NTF3: variants seen among roughly 807,000 people sequenced by gnomAD.
The protein encoded by NTF3 is neurotrophin 3.
In NTF3, 8 loss-of-function variants were observed where a neutral mutation model predicts 26.3. The observed-to-expected ratio is 0.30, with a 90% CI of 0.18 to 0.55. The LOEUF is 0.55. Ranked by LOEUF, NTF3 falls within the 20% of genes least tolerant of loss-of-function variation. The probability of loss-of-function intolerance (pLI) is 0.93; values close to 1 mark genes in which losing one functional copy is unlikely to be tolerated. For synonymous variants in NTF3, 154 were observed against 145.5 expected, an observed-to-expected ratio of 1.06 and a Z score of -0.42; for missense variants, 276 against 352.9, an observed-to-expected ratio of 0.78 and a Z score of 1.75.
intron 1 of NTF3, among the ~76,000 whole-genome samples, chr12:5,470,145 T>C (rs2121208497): frequency 6.6e-6 from 1 of 152,240 alleles, no homozygotes; most frequent in African/African-American, 2.4e-5. Context: ...ATGATGGTCT[T>C]GATCTCCTGA....
chr12:5,442,271 C>T (rs748023434), intron 1 of NTF3, among the ~76,000 whole-genome samples: 9 of 152,158 alleles, frequency 5.9e-5, no homozygotes, highest in Non-Finnish European at 7.3e-5. Context: ...GCTGGAGGGT[C>T]CAGGAATGGT....
At chr12:5,464,782 T>C (rs1940568191) in intron 1 of NTF3, among the ~76,000 whole-genome samples, 1 of 152,200 alleles carries the variant, frequency 6.6e-6, no homozygotes, top group Non-Finnish European at 1.5e-5. Context: ...GAGTAAATTA[T>C]GATTATATGA....
intron 1 of NTF3, among the ~76,000 whole-genome samples, chr12:5,490,103 T>C (rs1940916605): frequency 1.3e-5 from 2 of 152,108 alleles, no homozygotes; most frequent in African/African-American, 4.8e-5. Context: ...CTTTAACAGG[T>C]CTTTTTCTAA....
intron 1 of NTF3, among the ~76,000 whole-genome samples, chr12:5,487,740 G>A (rs1429704082): frequency 3.9e-5 from 6 of 152,170 alleles, no homozygotes; most frequent in South Asian, 4.2e-4. Flanking sequence ...TTAAAGAACA[G>A]GATAGGAATC....
chr12:5,467,210 C>A (rs1313089117), intron 1 of NTF3, among the ~76,000 whole-genome samples: 1 of 110,328 alleles, frequency 9.1e-6, no homozygotes, highest in African/African-American at 3.6e-5. Context: ...ACCTGTGCAA[C>A]AGAGCGAGAC....
At chr12:5,448,212 C>T (rs1940329706) in intron 1 of NTF3, among the ~76,000 whole-genome samples, 1 of 152,168 alleles carries the variant, frequency 6.6e-6, no homozygotes, top group African/African-American at 2.4e-5. Context: ...TATGAAAATA[C>T]CCTTGAAACA....
At chr12:5,492,528 G>A (rs372865262) in intron 1 of NTF3, among the ~76,000 whole-genome samples, 1 of 152,126 alleles carries the variant, frequency 6.6e-6, no homozygotes, top group African/African-American at 2.4e-5. Context: ...AGAATAGGAG[G>A]GAGATTCCTT....
At chr12:5,446,047 C>T (rs1165688199) in intron 1 of NTF3, among the ~76,000 whole-genome samples, 2 of 152,132 alleles carry the variant, frequency 1.3e-5, no homozygotes, top group East Asian at 1.9e-4. Flanking sequence ...ATCCATAGGG[C>T]AGTAACAGGG....
chr12:5,478,049 C>T (rs928775598), intron 1 of NTF3, among the ~76,000 whole-genome samples: 1 of 152,184 alleles, frequency 6.6e-6, no homozygotes. Context: ...AGTTGCTGTA[C>T]ATTTAAAGGT....
chr12:5,458,087 T>C (rs1940475666), intron 1 of NTF3, among the ~76,000 whole-genome samples: 1 of 152,162 alleles, frequency 6.6e-6, no homozygotes, highest in African/African-American at 2.4e-5. Flanking sequence ...TCAACACTGT[T>C]CACACTCTCC....
chr12:5,432,145 C>G lies in NTF3; in HGVS notation c.-180C>G, dbSNP rs1191792929. The G allele has an allele frequency of 1.4e-6, 1 of 716,332 alleles. No homozygotes were observed. Among genetic ancestry groups the G allele is most frequent in the Non-Finnish European group, 2.5e-6 (1 of 405,830 alleles). The allele number at this position is 716,332 out of a possible 1,614,324, so 44.4% of individuals were successfully genotyped here. On this transcript the variant is annotated 5_prime_UTR_variant, in exon 1 of 2. Transcript: ENST00000423158. Reference sequence around the variant, plus strand: ...AGCTCCTCTCCCTTCCGAACAGCTCCGCGCACCGCCCCGCGACGCAGCCCG... The same window carrying G: ...AGCTCCTCTCCCTTCCGAACAGCTCGGCGCACCGCCCCGCGACGCAGCCCG...
At chr12:5,469,736 T>C (rs1411234302) in intron 1 of NTF3, among the ~76,000 whole-genome samples, 7 of 152,194 alleles carry the variant, frequency 4.6e-5, no homozygotes, top group South Asian at 4.1e-4. Flanking sequence ...TTTTGAAATA[T>C]GTATTTTTTA....
intron 1 of NTF3, among the ~76,000 whole-genome samples, chr12:5,467,530 G>A (rs542194183): frequency 7.1e-4 from 108 of 152,162 alleles, no homozygotes; most frequent in African/African-American, 7.2e-5. Context: ...TTATTATTTC[G>A]TTGATTGATT....
Position 5,494,097 on chromosome 12 carries a change from T to C in NTF3, c.19-97T>C, listed in dbSNP as rs1020482098. 1 of 1,173,790 alleles carries C rather than the reference T, an allele frequency of 8.5e-7. No individual in the cohort carries two copies. The highest frequency in any genetic ancestry group is 1.5e-5 in the African/African-American group (1 of 65,870). 72.7% of individuals were successfully genotyped at this position (1,173,790 alleles called of 1,614,324 possible). A position where few individuals can be genotyped will look rare whatever the true frequency, so the allele number is the denominator to read the frequency against. On this transcript the variant is annotated intron_variant, in intron 1 of 1. Transcript: ENST00000423158. This position sits in a 1 kb window ranked among gnomAD's most constrained non-coding sequence, Gnocchi z 8.3. The stretch of plus-strand genomic sequence containing the variant: ...ACCTGGGGGGCGGTACCCTCTCTCG[T>C]GCCCTCACAGGGCTACTCAGCCTCA...
At chr12:5,443,863 G>GA (rs1940270717) in intron 1 of NTF3, among the ~76,000 whole-genome samples, 2 of 151,372 alleles carry the variant, frequency 1.3e-5, no homozygotes, top group Admixed American at 6.6e-5. Flanking sequence ...ATGAGAGAGA[G>GA]AGAAAAAAAA....
intron 1 of NTF3, among the ~76,000 whole-genome samples, chr12:5,434,733 A>G (rs1940145820): frequency 6.6e-6 from 1 of 151,232 alleles, no homozygotes; most frequent in Non-Finnish European, 1.5e-5. Flanking sequence ...GCACAAACAC[A>G]TGGAGTGGGT....
chr12:5,439,372 TGGC>T (rs1940210436), intron 1 of NTF3, among the ~76,000 whole-genome samples: 1 of 152,250 alleles, frequency 6.6e-6, no homozygotes, highest in African/African-American at 2.4e-5. Flanking sequence ...CTGAAGTCTG[TGGC>T]ATCCCAAGCC....
At chr12:5,467,447 G>A (rs1410896926) in intron 1 of NTF3, among the ~76,000 whole-genome samples, 4 of 152,106 alleles carry the variant, frequency 2.6e-5, no homozygotes, top group Non-Finnish European at 4.4e-5. Flanking sequence ...GGAGGCAGAC[G>A]TCTTTAGAGT....
intron 1 of NTF3, among the ~76,000 whole-genome samples, chr12:5,482,734 CCTCACTCCGTGTCTCT>C (rs1400675679): frequency 6.6e-6 from 1 of 151,790 alleles, no homozygotes; most frequent in Non-Finnish European, 1.5e-5. Context: ...TCTCTGTCTC[CCTCACTCCGTGTCTCT>C]CTCCTCTCTT....
Sources: allele counts gnomAD v4.1 joint callset (sites outside exome capture counted in the v4.1 genomes callset), GRCh38; gene constraint gnomAD v4.1.1; non-coding constraint Gnocchi (gnomAD v3.1); transcripts MANE v1.5; gene names NCBI Gene and HGNC (gene_info 2026-07-23, HGNC 2026-07-21).